Variants in MED8 observed in about 807,000 individuals in gnomAD.
The protein encoded by MED8 is mediator complex subunit 8, also known as mediator of RNA polymerase II transcription subunit 8.
In MED8, 22 loss-of-function variants were observed where a neutral mutation model predicts 34.8. The ratio of observed to expected loss-of-function variants is 0.63; its 90% CI spans 0.45 to 0.90. The LOEUF is 0.90. Ranked by LOEUF, MED8 falls within the 40% of genes least tolerant of loss-of-function variation. The probability of loss-of-function intolerance (pLI) is 0.00; values close to 1 mark genes in which losing one functional copy is unlikely to be tolerated. For missense variants in MED8, 260 were observed against 326.3 expected, an observed-to-expected ratio of 0.80 and a Z score of 1.57; for synonymous variants, 105 against 120.2, an observed-to-expected ratio of 0.87 and a Z score of 0.83.
Position 43,386,407 on chromosome 1 carries a change from A to T in MED8, c.494-181T>A. On this transcript the variant is annotated intron_variant, in intron 5 of 6. Transcript: ENST00000372457. This position sits in a 1 kb window ranked among gnomAD's most constrained non-coding sequence, Gnocchi z 4.9. ...GCCTATCTCAGAATTCTCTCTTCTT[A>T]CTTTGCCCATTTCCTCCACTGCTTC... The T allele has an allele frequency of 9.5e-7, 1 of 1,051,510 alleles. No individual in the cohort carries two copies. The highest frequency in any genetic ancestry group is 1.4e-6 in the Non-Finnish European group (1 of 740,416). 65.1% of individuals were successfully genotyped at this position (1,051,510 alleles called of 1,614,324 possible).
rs758401833 is a variant in MED8 at position 43,388,403 on chromosome 1, G to C, written c.32C>G (p.Ser11Ter). 37 of 1,613,544 alleles carry C rather than the reference G, an allele frequency of 2.3e-5. No homozygotes were observed. In the South Asian group the frequency reaches 4.0e-4, roughly 17 times the overall value. MQREEKQLEA[S>*]LDALLSQVAD... ...CACTTGACTCAGCAGTGCATCTAAT[G>C]ATGCCTCAAGCTGCTTCTCCTCTCT... The change falls in exon 2 of 7, where the codon TCA becomes TGA. Residue 11 changes from serine to a stop codon, truncating the protein, a stop_gained. Coordinates refer to ENST00000372457, the MANE Select transcript of MED8 (RefSeq NM_201542.5). LOFTEE classifies it high-confidence loss of function.
In MED8 at chr1:43,386,990, A is replaced by C. The variant is rs940611697; in HGVS notation, c.279T>G (p.Thr93=). The change falls in exon 4 of 7, where the codon ACT becomes ACG. Residue 93 remains threonine (T), a synonymous_variant. Coordinates refer to ENST00000372457, the MANE Select transcript of MED8 (RefSeq NM_201542.5). The surrounding 1 kb of genome is among the most constrained non-coding windows in gnomAD (Gnocchi z 4.9). ...PDRDEDLMRQ[T]EGRVPVFSHE... ...GGCTGAAAACAGGCACCCGTCCTTC[A>C]GTCTGCCGCTGTAACACACAGATTT... 8 of 1,614,000 alleles carry C rather than the reference A, an allele frequency of 5.0e-6. No individual in the cohort carries two copies. Among genetic ancestry groups the C allele is most frequent in the Non-Finnish European group, 6.8e-6 (8 of 1,179,876 alleles).
chr1:43,388,564 G>T, intron 1 of MED8, 136 bp from the exon 2 acceptor site: 1 of 1,410,830 alleles, frequency 7.1e-7, no homozygotes, highest in Non-Finnish European at 9.4e-7. Context: ...TAGCCAGGTT[G>T]TTTTCTATCT....
At chr1:43,387,103 A>G (rs947960682) in intron 3 of MED8, 105 bp from the exon 4 acceptor site, 20 of 1,417,360 alleles carry the variant, frequency 1.4e-5, no homozygotes, top group Non-Finnish European at 1.8e-5. Flanking sequence ...TTCAAGGAAA[A>G]TACAACCTGA....
At position 43,388,420 on chromosome 1, in the gene MED8, C is replaced by T; in HGVS notation, c.15G>A (p.Glu5=). ...CATCTAATGATGCCTCAAGCTGCTT[C>T]TCCTCTCTCTGCACCAATAGGAACA... The part of the protein sequence containing the change: MQRE[E]KQLEASLDAL... Residue 5 remains glutamate (E), a synonymous_variant, in exon 2 of 7, where the codon GAG becomes GAA. Coordinates refer to ENST00000372457, the MANE Select transcript of MED8 (RefSeq NM_201542.5). The T allele has an allele frequency of 3.7e-6, 6 of 1,613,450 alleles. No homozygotes were observed. The highest frequency in any genetic ancestry group is 5.1e-6 in the Non-Finnish European group (6 of 1,179,876).
At chr1:43,388,488 G>C in intron 1 of MED8, 60 bp from the exon 2 acceptor site, 1 of 1,596,482 alleles carries the variant, frequency 6.3e-7, no homozygotes, top group South Asian at 1.1e-5. Flanking sequence ...TAGAAAGGAG[G>C]GCTGGAAAGC....
rs779838499 is a variant in MED8 at position 43,385,056 on chromosome 1, G to C, written c.793C>G (p.Pro265Ala). ...GCCAGCCACACTCACCGCTGGTAGG[G>C]ATGCATGGAAGCCGACTTGATGTTG... is the stretch of plus-strand genomic sequence containing the variant. ...KTNIKSASMHPYQR is the reference protein window; with the variant it reads ...KTNIKSASMHAYQR The change falls in exon 7 of 7, where the codon CCC (proline) becomes GCC (alanine). Residue 265 changes from proline to alanine, a missense_variant. Pro to Ala is a conservative substitution (Grantham distance 27). Coordinates refer to ENST00000372457, the MANE Select transcript of MED8 (RefSeq NM_201542.5). 3.2e-5 allele frequency: 50 copies of C among 1,557,196 alleles called. No homozygotes were observed. The highest frequency in any genetic ancestry group is 3.8e-5 in the Non-Finnish European group (44 of 1,149,862).
Position 43,386,978 on chromosome 1 carries a change from C to T in MED8, c.291G>A (p.Val97=). The change falls in exon 4 of 7, where the codon GTG becomes GTA. Residue 97 remains valine (V), a synonymous_variant. Coordinates refer to ENST00000372457, the MANE Select transcript of MED8 (RefSeq NM_201542.5). The surrounding 1 kb of genome is among the most constrained non-coding windows in gnomAD (Gnocchi z 4.9). The part of the protein sequence containing the change: ...EDLMRQTEGR[V]PVFSHEVVPD... ...GGACTACCTCATGGCTGAAAACAGGCACCCGTCCTTCAGTCTGCCGCTGTA... is the reference window on the plus strand; with the variant it reads ...GGACTACCTCATGGCTGAAAACAGGTACCCGTCCTTCAGTCTGCCGCTGTA... 1 of 1,614,026 alleles carries T rather than the reference C, an allele frequency of 6.2e-7. No individual in the cohort carries two copies. The highest frequency in any genetic ancestry group is 8.5e-7 in the Non-Finnish European group (1 of 1,179,892).
chr1:43,384,441 G>A lies in MED8; in HGVS notation c.*601C>T, dbSNP rs764942832. On this transcript the variant is annotated 3_prime_UTR_variant, in exon 7 of 7. Transcript: ENST00000372457. ...CCTTAGAGGATGGAAAGGAGAGCAGGCCCAAGCTTCACCAGAGCTGCAGGT... is the reference window on the plus strand; with the variant it reads ...CCTTAGAGGATGGAAAGGAGAGCAGACCCAAGCTTCACCAGAGCTGCAGGT... The A allele has an allele frequency of 1.3e-5, 20 of 1,588,606 alleles. No homozygotes were observed. Among genetic ancestry groups the A allele is most frequent in the Non-Finnish European group, 1.4e-5 (16 of 1,167,500 alleles).
Position 43,388,373 on chromosome 1 carries a change from T to A in MED8, c.62A>T (p.Asp21Val), listed in dbSNP as rs1434310174. Residue 21 changes from aspartate (D) to valine (V), a missense_variant, in exon 2 of 7, where the codon GAT becomes GTT. Coordinates refer to ENST00000372457, the MANE Select transcript of MED8 (RefSeq NM_201542.5). ...SLDALLSQVA[D>V]LKNSLGSFIC... ...GAAACTCCCCAGAGAGTTCTTCAGA[T>A]CAGCCACTTGACTCAGCAGTGCATC... 1.9e-6 allele frequency: 3 copies of A among 1,613,602 alleles called. No individual in the cohort carries two copies. The highest frequency in any genetic ancestry group is 2.5e-6 in the Non-Finnish European group (3 of 1,179,890).
In MED8 at chr1:43,383,931, T is replaced by C. The variant is rs1373979721; in HGVS notation, c.*1111A>G. The C allele has an allele frequency of 1.3e-5, 2 of 152,950 alleles. No homozygotes were observed. The highest frequency in any genetic ancestry group is 2.4e-5 in the African/African-American group (1 of 41,474). 9.5% of individuals were successfully genotyped at this position (152,950 alleles called of 1,614,324 possible). A position where few individuals can be genotyped will look rare whatever the true frequency, so the allele number is the denominator to read the frequency against. ...GCCAGTGAACATCAATTTAAATAACTTTATTCAGAGGAATCCTTTGGTCCA... is the reference window on the plus strand; with the variant it reads ...GCCAGTGAACATCAATTTAAATAACCTTATTCAGAGGAATCCTTTGGTCCA... On this transcript the variant is annotated 3_prime_UTR_variant, in exon 7 of 7. Coordinates refer to ENST00000372457, the MANE Select transcript of MED8 (RefSeq NM_201542.5).
chr1:43,387,761 A>C, intron 2 of MED8, 114 bp from the exon 3 acceptor site: 3 of 1,218,616 alleles, frequency 2.5e-6, no homozygotes, highest in Non-Finnish European at 3.5e-6. Flanking sequence ...CAAAAGTCTC[A>C]TAGCCCTATG....
chr1:43,385,094 C>T lies in MED8; in HGVS notation c.755G>A (p.Ser252Asn). 1.3e-6 allele frequency: 2 copies of T among 1,555,194 alleles called. No individual in the cohort carries two copies. Among genetic ancestry groups the T allele is most frequent in the Non-Finnish European group, 1.7e-6 (2 of 1,148,644 alleles). ...AQAGQPGKMP[S>N]GIKTNIKSAS... ...CGACTTGATGTTGGTTTTTATTCCACTTGGCATTTTCCCTGAAAGGAACAT... is the reference window on the plus strand; with the variant it reads ...CGACTTGATGTTGGTTTTTATTCCATTTGGCATTTTCCCTGAAAGGAACAT... The change falls in exon 7 of 7, where the codon AGT (serine) becomes AAT (asparagine). Residue 252 changes from serine to asparagine, a missense_variant. Transcript: ENST00000372457.
chr1:43,387,308 G>T (rs1188051153), intron 3 of MED8, among the ~76,000 whole-genome samples, 195 bp downstream of exon 3: 1 of 152,194 alleles, frequency 6.6e-6, no homozygotes, highest in East Asian at 1.9e-4. Context: ...GAGAAGAAAG[G>T]TATCAGCCTT....
chr1:43,387,368 C>T (rs528232086), intron 3 of MED8, 135 bp downstream of exon 3: 8 of 1,204,944 alleles, frequency 6.6e-6, no homozygotes, highest in East Asian at 2.6e-5. Context: ...GTGGCTCTCC[C>T]GCCTTCAGAA....
Position 43,384,524 on chromosome 1 carries a change from T to C in MED8, c.*518A>G, listed in dbSNP as rs764695483. 6.2e-7 allele frequency: 1 copy of C among 1,611,600 alleles called. No homozygotes were observed. The highest frequency in any genetic ancestry group is 8.5e-7 in the Non-Finnish European group (1 of 1,178,898). On this transcript the variant is annotated 3_prime_UTR_variant, in exon 7 of 7. Transcript: ENST00000372457. ...TTCTTCACCTTGCGCCTTAGAGGGATAGCCAGAATGAAACCCAGGCAGGAG... is the reference window on the plus strand; with the variant it reads ...TTCTTCACCTTGCGCCTTAGAGGGACAGCCAGAATGAAACCCAGGCAGGAG...
intron 6 of MED8, 155 bp downstream of exon 6, chr1:43,385,823 A>AT (rs1379694985): frequency 4.8e-6 from 6 of 1,244,882 alleles, no homozygotes; most frequent in African/African-American, 1.5e-5. Flanking sequence ...CTCAGATGAG[A>AT]TTTTTTTACT....
chr1:43,385,069 C>G lies in MED8; in HGVS notation c.780G>C (p.Ser260=). The G allele has an allele frequency of 3.2e-6, 5 of 1,557,300 alleles. No homozygotes were observed. The highest frequency in any genetic ancestry group is 4.3e-6 in the Non-Finnish European group (5 of 1,149,790). The part of the protein sequence containing the change: ...MPSGIKTNIK[S]ASMHPYQR ...ACCGCTGGTAGGGATGCATGGAAGC[C>G]GACTTGATGTTGGTTTTTATTCCAC... is the stretch of plus-strand genomic sequence containing the variant. The change falls in exon 7 of 7, where the codon TCG becomes TCC. Residue 260 remains serine, a synonymous_variant. Transcript: ENST00000372457.
intron 2 of MED8, 163 bp from the exon 3 acceptor site, chr1:43,387,810 G>C (rs1391394385): frequency 1.4e-6 from 1 of 723,120 alleles, no homozygotes; most frequent in Non-Finnish European, 2.3e-6. Flanking sequence ...GGATGACAGG[G>C]CTATGAAAGA....
Sources: gnomAD v4.1 joint callset for allele counts (sites outside exome capture counted in the v4.1 genomes callset) on GRCh38, gnomAD v4.1.1 for gene constraint, Gnocchi (gnomAD v3.1) non-coding constraint, MANE v1.5 for transcripts, NCBI Gene and HGNC (gene_info 2026-07-23, HGNC 2026-07-21) for gene names.